Variants in UBXN6 observed in about 807,000 individuals in gnomAD.
UBXN6 encodes UBX domain protein 6.
UBXN6 carries 44 observed loss-of-function variants against 51.4 expected under a neutral mutation model. The observed-to-expected ratio is 0.86, with a 90% CI of 0.67 to 1.10. The LOEUF is 1.10. UBXN6 is among the 50% of genes least tolerant of loss of function. The pLI is 0.00. For missense variants in UBXN6, 672 were observed against 596.1 expected (o/e 1.13, Z -1.32); for synonymous variants, 316 against 263.2 (o/e 1.20, Z -1.94).
At position 4,446,943 on chromosome 19, in the gene UBXN6, C is replaced by G. The variant is rs1716162263; in HGVS notation, c.616-23G>C. ...CTCCTGGGGGTGGAGATGGGCGTCA[C>G]TGGGGGCCCCTGGCTTCCTCCATGG... On this transcript the variant is annotated intron_variant, in intron 6 of 10. Coordinates refer to ENST00000301281, the MANE Select transcript of UBXN6 (RefSeq NM_025241.3). 6 of 1,610,042 alleles carry G rather than the reference C, an allele frequency of 3.7e-6. No individual in the cohort carries two copies. The East Asian group carries it at 1.3e-4, about 36-fold the overall frequency.
At chr19:4,452,660 C>T (rs2145186075) in intron 3 of UBXN6, among the ~76,000 whole-genome samples, 168 bp from the exon 4 acceptor site, 1 of 152,316 alleles carries the variant, frequency 6.6e-6, no homozygotes, top group Non-Finnish European at 1.5e-5. Context: ...GACCGGATCC[C>T]CGAGTCTTTT....
At chr19:4,447,747 G>A (rs980054850) in intron 5 of UBXN6, 122 bp from the exon 6 acceptor site, 10 of 1,007,348 alleles carry the variant, frequency 9.9e-6, no homozygotes, top group African/African-American at 3.2e-5. Context: ...GGGAAGAAGC[G>A]GCCCAGTGAC....
chr19:4,452,565 C>T, intron 3 of UBXN6, 73 bp from the exon 4 acceptor site: 3 of 1,520,578 alleles, frequency 2.0e-6, no homozygotes, highest in Non-Finnish European at 1.8e-6. Context: ...CACCACAGTC[C>T]TGAGTGTGGC....
chr19:4,457,738 G>A lies in UBXN6; in HGVS notation c.-41C>T, dbSNP rs1974761370. On this transcript the variant is annotated 5_prime_UTR_variant, in exon 1 of 11. Transcript: ENST00000301281. ...GGCGGCGGGGGGCCGCGGGGGCGGG[G>A]GGGCACGGGGCCCAGTCGGGGACGG... 4.3e-6 allele frequency: 6 copies of A among 1,386,922 alleles called. No individual in the cohort carries two copies. Among genetic ancestry groups the A allele is most frequent in the Non-Finnish European group, 5.8e-6 (6 of 1,035,334 alleles). The allele number at this position is 1,386,922 out of a possible 1,614,324, so 85.9% of individuals were successfully genotyped here. A position where few individuals can be genotyped will look rare whatever the true frequency, so the allele number is the denominator to read the frequency against.
At chr19:4,451,045 T>C (rs562350799) in intron 4 of UBXN6, among the ~76,000 whole-genome samples, 6 of 152,098 alleles carry the variant, frequency 3.9e-5, no homozygotes, top group Non-Finnish European at 7.4e-5. Context: ...GAACTATTAC[T>C]ATTTTGTTTT....
chr19:4,453,031 C>T (rs889872433), intron 3 of UBXN6, among the ~76,000 whole-genome samples: 3 of 152,220 alleles, frequency 2.0e-5, no homozygotes, highest in African/African-American at 7.2e-5. Flanking sequence ...AGCCTCTTGA[C>T]CTCCAAGGCA....
chr19:4,447,250 T>G, intron 6 of UBXN6: 1 of 570,482 alleles, frequency 1.8e-6, no homozygotes, highest in Non-Finnish European at 3.1e-6. Context: ...ACCAGACATC[T>G]GGTTTGCATG....
rs372305065 is a variant in UBXN6, at chr19:4,446,220, C to T, written c.1052-23G>A. 2.8e-5 allele frequency: 45 copies of T among 1,585,000 alleles called. No individual in the cohort carries two copies. The African/African-American group carries it at 4.0e-4, about 14-fold the overall frequency. On this transcript the variant is annotated intron_variant, in intron 9 of 10. Transcript: ENST00000301281. ...TGCCTGGGGAGTGGGGGAGTCAGAGCGGGTGGGGCCCAGGGCCCCCTACCA... is the reference window on the plus strand; with the variant it reads ...TGCCTGGGGAGTGGGGGAGTCAGAGTGGGTGGGGCCCAGGGCCCCCTACCA...
In UBXN6 at chr19:4,457,633, T is replaced by C; in HGVS notation, c.65A>G (p.Lys22Arg). ...CACGCACCCCACGGACTCTTTGAGC[T>C]TCTGACCGGGTCCCGCGCTCTTGAA... ...IKFKSAGPGQ[K>R]LKESVGEKAH... The change falls in exon 1 of 11, where the codon AAG becomes AGG. Residue 22 changes from lysine (K) to arginine (R), a missense_variant. Lys to Arg is a conservative substitution (Grantham distance 26, BLOSUM62 2). Coordinates refer to ENST00000301281, the MANE Select transcript of UBXN6 (RefSeq NM_025241.3). The C allele has an allele frequency of 6.3e-7, 1 of 1,598,752 alleles. No homozygotes were observed. Among genetic ancestry groups the C allele is most frequent in the South Asian group, 1.1e-5 (1 of 90,464 alleles).
rs1291619229 is a variant in UBXN6, at chr19:4,452,510, T to A, written c.313-18A>T. 6.2e-7 allele frequency: 1 copy of A among 1,606,462 alleles called. No individual in the cohort carries two copies. Among genetic ancestry groups the A allele is most frequent in the Admixed American group, 1.7e-5 (1 of 58,888 alleles). On this transcript the variant is annotated intron_variant, in intron 3 of 10. Coordinates refer to ENST00000301281, the MANE Select transcript of UBXN6 (RefSeq NM_025241.3). ...TCAGATACCTGGGGCGGTGAAAGCG[T>A]CCAAGTCTGGACCGTGGACAGAGGC...
rs566685419 is a variant in UBXN6 at position 4,445,216 on chromosome 19, G to A, written c.*282C>T. On this transcript the variant is annotated 3_prime_UTR_variant, in exon 11 of 11. Transcript: ENST00000301281. ...AGGGAGATGCCACGTGTGTCTGTCC[G>A]GCAGCTTCATGACACAGTTACCAAG... 113 of 409,936 alleles carry A rather than the reference G, an allele frequency of 2.8e-4. No individual in the cohort carries two copies. The highest frequency in any genetic ancestry group is 1.8e-3 in the African/African-American group (86 of 48,824). The allele number at this position is 409,936 out of a possible 1,614,324, so 25.4% of individuals were successfully genotyped here. A position where few individuals can be genotyped will look rare whatever the true frequency, so the allele number is the denominator to read the frequency against.
chr19:4,449,181 C>G (rs1030465086), intron 4 of UBXN6: 1 of 153,246 alleles, frequency 6.5e-6, no homozygotes, highest in Non-Finnish European at 1.5e-5. Flanking sequence ...AGCCATCACA[C>G]ACGGCCACAC....
Position 4,453,533 on chromosome 19 carries a change from G to A in UBXN6, c.248-11C>T, listed in dbSNP as rs1174105183. 1 of 1,613,088 alleles carries A rather than the reference G, an allele frequency of 6.2e-7. No individual in the cohort carries two copies. The highest frequency in any genetic ancestry group is 1.1e-5 in the South Asian group (1 of 90,904). On this transcript the variant is annotated splice_polypyrimidine_tract_variant and intron_variant, in intron 2 of 10. Transcript: ENST00000301281. ...GAAGTTCCTTTCTCACTGGAAGGCA[G>A]CCCAAGAAAGAGAGGCAGAGACGGG...
chr19:4,456,982 T>G (rs1208804207), intron 1 of UBXN6, among the ~76,000 whole-genome samples: 1 of 151,770 alleles, frequency 6.6e-6, no homozygotes, highest in Non-Finnish European at 1.5e-5. Flanking sequence ...CCTTCCAGAC[T>G]CTTTCTAGTC....
rs896369455 is a variant in UBXN6, at chr19:4,451,198, A to G, written c.441+1166T>C. Among the ~76,000 whole-genome samples the G allele has an allele frequency of 2.0e-5, 3 of 152,160 alleles. No individual in the cohort carries two copies. In the East Asian group the frequency reaches 5.8e-4, roughly 29 times the overall value. ...CAGTCTCCTGAGTAGCTGGGATTACAGGCGCCTGTCACCACGCCTGGCTAA... is the reference window on the plus strand; with the variant it reads ...CAGTCTCCTGAGTAGCTGGGATTACGGGCGCCTGTCACCACGCCTGGCTAA... On this transcript the variant is annotated intron_variant, in intron 4 of 10. Transcript: ENST00000301281.
chr19:4,445,633 G>A lies in UBXN6; in HGVS notation c.1201-10C>T, dbSNP rs1974493591. On this transcript the variant is annotated splice_polypyrimidine_tract_variant and intron_variant, in intron 10 of 10. Coordinates refer to ENST00000301281, the MANE Select transcript of UBXN6 (RefSeq NM_025241.3). ...GGAGGGCAGAGGGCACCTGCGGTAG[G>A]GGTAGGCCGTCACTCTGAGACCGAG... The A allele has an allele frequency of 6.2e-7, 1 of 1,611,248 alleles. No homozygotes were observed. The highest frequency in any genetic ancestry group is 8.5e-7 in the Non-Finnish European group (1 of 1,179,366).
chr19:4,446,540 TGAA>T lies in UBXN6; in HGVS notation c.877_879del (p.Phe293del), dbSNP rs760741166. The T allele has an allele frequency of 8.7e-6, 14 of 1,612,012 alleles. No homozygotes were observed. In the Middle Eastern group the frequency reaches 8.2e-4, roughly 95 times the overall value. The stretch of plus-strand genomic sequence containing the variant: ...CGCTTGATCTCCTCTGCTGTGAGGT[TGAA>T]GAAGTCCCCAGGCAGTTCGAACTGC... On this transcript the variant is annotated inframe_deletion, in exon 8 of 11. Transcript: ENST00000301281.
At chr19:4,452,306 G>T in intron 4 of UBXN6, 58 bp downstream of exon 4, 3 of 1,592,824 alleles carry the variant, frequency 1.9e-6, no homozygotes, top group Non-Finnish European at 2.6e-6. Context: ...TCCGATGGAG[G>T]GTGGCTCAGG....
At chr19:4,451,374 G>C (rs1272064526) in intron 4 of UBXN6, among the ~76,000 whole-genome samples, 1 of 152,032 alleles carries the variant, frequency 6.6e-6, no homozygotes, top group Non-Finnish European at 1.5e-5. Flanking sequence ...TATTTTCTGA[G>C]AAAGGGTCTC....
Sources: gnomAD v4.1 joint callset for allele counts (sites outside exome capture counted in the v4.1 genomes callset) on GRCh38, gnomAD v4.1.1 for gene constraint, MANE v1.5 for transcripts, NCBI Gene and HGNC (gene_info 2026-07-23, HGNC 2026-07-21) for gene names.